Variants in FOXJ3 observed in about 807,000 individuals in gnomAD.
The protein encoded by FOXJ3 is forkhead box protein J3.
FOXJ3 carries 22 observed loss-of-function variants against 76.1 expected under a neutral mutation model. The observed-to-expected ratio is 0.29, with a 90% confidence interval of 0.21 to 0.41. The LOEUF (loss-of-function observed/expected upper bound fraction) is 0.41. Among genes scored for constraint, FOXJ3 ranks in the 10% least tolerant of loss-of-function variants. FOXJ3 has a pLI of 1.00. For synonymous variants in FOXJ3, 269 were observed against 261.2 expected, an observed-to-expected ratio of 1.03 and a Z score of -0.29; for missense variants, 613 against 762.1, an observed-to-expected ratio of 0.80 and a Z score of 2.30.
At chr1:42,222,038 A>C (rs1400505235) in intron 5 of FOXJ3, among the ~76,000 whole-genome samples, 1 of 37,862 alleles carries the variant, frequency 2.6e-5, no homozygotes, top group Non-Finnish European at 6.2e-5. Context: ...GGGGAGGAGA[A>C]GGAGAAGGAG....
intron 5 of FOXJ3, among the ~76,000 whole-genome samples, chr1:42,211,449 T>C (rs1031276058): frequency 1.3e-5 from 2 of 151,772 alleles, no homozygotes; most frequent in African/African-American, 4.8e-5. Flanking sequence ...GCTTTGGTGG[T>C]TTCCTTCCTT....
chr1:42,230,739 C>T (rs984819395), intron 4 of FOXJ3, among the ~76,000 whole-genome samples: 2 of 152,094 alleles, frequency 1.3e-5, no homozygotes, highest in Non-Finnish European at 2.9e-5. Flanking sequence ...AACTGAAACT[C>T]TTATGCACTA....
intron 2 of FOXJ3, among the ~76,000 whole-genome samples, chr1:42,295,505 A>G (rs907698894): frequency 6.8e-6 from 1 of 146,006 alleles, no homozygotes; most frequent in African/African-American, 2.5e-5. Context: ...AGTGTTGAAC[A>G]TGACTACAAG....
intron 5 of FOXJ3, among the ~76,000 whole-genome samples, chr1:42,222,533 C>A (rs562014219): frequency 6.6e-6 from 1 of 152,286 alleles, no homozygotes; most frequent in South Asian, 2.1e-4. Context: ...TGTTTACCAA[C>A]TGTTCCCTCA....
intron 2 of FOXJ3, 103 bp from the exon 3 acceptor site, chr1:42,278,775 T>C: frequency 1.3e-6 from 1 of 797,670 alleles, no homozygotes; most frequent in Non-Finnish European, 2.0e-6. Flanking sequence ...AGGGAAAGCC[T>C]GAGTTACATC....
At chr1:42,324,717 TTG>T (rs1452366421) in intron 1 of FOXJ3, among the ~76,000 whole-genome samples, 1 of 152,128 alleles carries the variant, frequency 6.6e-6, no homozygotes, top group African/African-American at 2.4e-5. Flanking sequence ...ACAAAAGTAT[TTG>T]TGTATCTAAA....
At chr1:42,312,526 G>A (rs1045761570) in intron 1 of FOXJ3, among the ~76,000 whole-genome samples, 2 of 152,144 alleles carry the variant, frequency 1.3e-5, no homozygotes, top group African/African-American at 4.8e-5. Context: ...AGAATGACAG[G>A]GTGGATGGCT....
At chr1:42,266,776 A>G (rs1336535227) in intron 3 of FOXJ3, among the ~76,000 whole-genome samples, 1 of 152,142 alleles carries the variant, frequency 6.6e-6, no homozygotes, top group African/African-American at 2.4e-5. Flanking sequence ...CCAACCTTCC[A>G]TAGATTTTAC....
rs139353756 is a variant in FOXJ3 at position 42,331,074 on chromosome 1, G to A, written c.-18+3985C>T. Reference sequence around the variant, plus strand: ...GGTGAAGATTCAATGAAAATGGGGAGGAGTTTAAAAGAATTAAGAAACTTG... The same window carrying A: ...GGTGAAGATTCAATGAAAATGGGGAAGAGTTTAAAAGAATTAAGAAACTTG... On this transcript the variant is annotated intron_variant, in intron 1 of 12. Transcript: ENST00000361346. 1.6e-3 allele frequency among the ~76,000 whole-genome samples: 249 copies of A among 152,180 alleles called. No homozygotes were observed. In the Middle Eastern group the frequency reaches 0.024, roughly 15 times the overall value.
chr1:42,236,242 A>G (rs1648618540), intron 4 of FOXJ3, among the ~76,000 whole-genome samples: 1 of 152,202 alleles, frequency 6.6e-6, no homozygotes, highest in African/African-American at 2.4e-5. Flanking sequence ...ACACTGGAAC[A>G]CAGTGGCACA....
At chr1:42,302,642 T>C (rs1570204587) in intron 2 of FOXJ3, among the ~76,000 whole-genome samples, 1 of 152,210 alleles carries the variant, frequency 6.6e-6, no homozygotes, top group Admixed American at 6.5e-5. Flanking sequence ...TCTAGAAAAG[T>C]GGGTGCTCCA....
chr1:42,276,171 C>T (rs572447969), intron 3 of FOXJ3, among the ~76,000 whole-genome samples: 2 of 152,132 alleles, frequency 1.3e-5, no homozygotes, highest in East Asian at 1.9e-4. Context: ...GCCTGGCCAA[C>T]ATGGTGAAAC....
chr1:42,289,583 TAA>T (rs1653286105), intron 2 of FOXJ3, among the ~76,000 whole-genome samples: 1 of 152,164 alleles, frequency 6.6e-6, no homozygotes, highest in Non-Finnish European at 1.5e-5. Context: ...GCTGTGGATT[TAA>T]AAAGACAAAA....
At chr1:42,335,427 A>C (rs1656441521), upstream of FOXJ3, 1 of 152,314 alleles carries the variant, frequency 6.6e-6, no homozygotes, top group South Asian at 2.1e-4. Flanking sequence ...GGTGTCATCT[A>C]GCGGCCGGCA....
intron 5 of FOXJ3, among the ~76,000 whole-genome samples, chr1:42,224,508 T>A (rs1647388398): frequency 6.6e-6 from 1 of 151,582 alleles, no homozygotes; most frequent in Non-Finnish European, 1.5e-5. Context: ...CAAAAATTAG[T>A]TGGGCGTGGT....
At chr1:42,231,763 G>A (rs934076546) in intron 4 of FOXJ3, among the ~76,000 whole-genome samples, 1 of 152,092 alleles carries the variant, frequency 6.6e-6, no homozygotes, top group Non-Finnish European at 1.5e-5. Context: ...AGCCCCACAA[G>A]TAGCTGAGAC....
At position 42,182,939 on chromosome 1, in the gene FOXJ3, C is replaced by G. The variant is rs909105276; in HGVS notation, c.1646-915G>C. ...GGAAGCACAAAGTAACAATAAAGATCTGCACATGGTAAAAGAGCTACAACA... is the reference window on the plus strand; with the variant it reads ...GGAAGCACAAAGTAACAATAAAGATGTGCACATGGTAAAAGAGCTACAACA... On this transcript the variant is annotated intron_variant, in intron 11 of 12. Transcript: ENST00000361346. 4.6e-5 allele frequency among the ~76,000 whole-genome samples: 7 copies of G among 152,080 alleles called. No homozygotes were observed. In the East Asian group the frequency reaches 1.4e-3, roughly 30 times the overall value.
chr1:42,291,374 A>G (rs1216475359), intron 2 of FOXJ3, among the ~76,000 whole-genome samples: 2 of 152,238 alleles, frequency 1.3e-5, no homozygotes, highest in Non-Finnish European at 2.9e-5. Context: ...CACAGTTCAT[A>G]AAACAACTAA....
At chr1:42,283,490 G>C (rs1395839076) in intron 2 of FOXJ3, among the ~76,000 whole-genome samples, 1 of 152,126 alleles carries the variant, frequency 6.6e-6, no homozygotes, top group Admixed American at 6.5e-5. Flanking sequence ...GGCTTACTCA[G>C]AAAGTTTTTC....
Sources: gnomAD v4.1 joint callset for allele counts (sites outside exome capture counted in the v4.1 genomes callset) on GRCh38, gnomAD v4.1.1 for gene constraint, MANE v1.5 for transcripts, NCBI Gene and HGNC (gene_info 2026-07-23, HGNC 2026-07-21) for gene names.